The following GRB14 variants were observed in gnomAD, a reference collection of about 807,000 sequenced individuals.
GRB14 encodes growth factor receptor bound protein 14, also known as growth factor receptor-bound protein 14.
GRB14 carries 38 observed loss-of-function variants against 69.1 expected under a neutral mutation model. The ratio of observed to expected loss-of-function variants is 0.55; its 90% confidence interval spans 0.42 to 0.72. The LOEUF (loss-of-function observed/expected upper bound fraction) is 0.72. Among genes scored for constraint, GRB14 ranks in the 30% least tolerant of loss-of-function variants. GRB14 has a pLI of 0.00. For synonymous variants in GRB14, 247 were observed against 241.3 expected, an observed-to-expected ratio of 1.02 and a Z score of -0.22; for missense variants, 666 against 666.1, an observed-to-expected ratio of 1.00 and a Z score of 0.00.
At chr2:164,584,140 C>T (rs1334901741) in intron 2 of GRB14, among the ~76,000 whole-genome samples, 3 of 141,694 alleles carry the variant, frequency 2.1e-5, no homozygotes, top group Non-Finnish European at 3.0e-5. Context: ...CCACCACCAG[C>T]CTGGCTATTT....
At chr2:164,514,911 A>G (rs1409340879) in intron 6 of GRB14, among the ~76,000 whole-genome samples, 1 of 152,112 alleles carries the variant, frequency 6.6e-6, no homozygotes, top group South Asian at 2.1e-4. Context: ...GCTGCACAGG[A>G]GCTGCGTGAG....
chr2:164,536,449 AT>A (rs1342139860), intron 3 of GRB14, among the ~76,000 whole-genome samples: 2 of 152,228 alleles, frequency 1.3e-5, no homozygotes, highest in Admixed American at 6.5e-5. Context: ...AAAATAATAC[AT>A]TCCATTAAAG....
At chr2:164,497,805 GTTCTCTAGTAAA>G (rs1403055395) in intron 9 of GRB14, among the ~76,000 whole-genome samples, 2 of 152,006 alleles carry the variant, frequency 1.3e-5, no homozygotes, top group Non-Finnish European at 2.9e-5. Context: ...ATCTTTTCAC[GTTCTCTAGTAAA>G]ATGGGAAAAC....
intron 3 of GRB14, among the ~76,000 whole-genome samples, chr2:164,528,268 C>T (rs1477306715): frequency 6.6e-6 from 1 of 151,882 alleles, no homozygotes; most frequent in Non-Finnish European, 1.5e-5. Flanking sequence ...GAGTTGTGCA[C>T]ACTTGGTTTG....
At chr2:164,606,659 T>C (rs1690047610) in intron 2 of GRB14, among the ~76,000 whole-genome samples, 1 of 152,136 alleles carries the variant, frequency 6.6e-6, no homozygotes, top group South Asian at 2.1e-4. Context: ...AAACATCAAG[T>C]TCCCAGTGCC....
chr2:164,523,541 GA>G (rs1292638380), intron 5 of GRB14, among the ~76,000 whole-genome samples: 2 of 152,002 alleles, frequency 1.3e-5, no homozygotes, highest in African/African-American at 4.8e-5. Flanking sequence ...GCTGACAGTA[GA>G]TATTTATGTT....
At chr2:164,568,265 A>G in intron 2 of GRB14, 1 of 1,183,516 alleles carries the variant, frequency 8.4e-7, no homozygotes, top group South Asian at 1.3e-5. Flanking sequence ...AACAGGGGAA[A>G]AAAAGCAGCA....
chr2:164,511,040 C>T (rs956368166), intron 6 of GRB14, among the ~76,000 whole-genome samples: 5 of 152,182 alleles, frequency 3.3e-5, no homozygotes, highest in Non-Finnish European at 7.3e-5. Context: ...CAGCTGACAC[C>T]TACCCATGGA....
intron 2 of GRB14, among the ~76,000 whole-genome samples, chr2:164,552,169 A>C (rs1574300644): frequency 1.3e-5 from 2 of 152,344 alleles, no homozygotes; most frequent in South Asian, 4.1e-4. Context: ...CCTCCTGCTA[A>C]GCTCCACCTC....
At chr2:164,517,404 A>G (rs953380212) in intron 6 of GRB14, among the ~76,000 whole-genome samples, 4 of 152,120 alleles carry the variant, frequency 2.6e-5, no homozygotes, top group African/African-American at 9.7e-5. Context: ...AAAAAGAATA[A>G]AGCTCACAGC....
chr2:164,554,693 A>G (rs974202739), intron 2 of GRB14, among the ~76,000 whole-genome samples: 2 of 152,236 alleles, frequency 1.3e-5, no homozygotes, highest in Middle Eastern at 3.4e-3. Context: ...CAAATTTAAT[A>G]CGTAGTCACT....
intron 2 of GRB14, among the ~76,000 whole-genome samples, chr2:164,613,150 G>A (rs1010628240): frequency 6.6e-6 from 1 of 152,218 alleles, no homozygotes; most frequent in Non-Finnish European, 1.5e-5. Flanking sequence ...CGTACATTAA[G>A]TGAATTGAGA....
At chr2:164,560,660 T>G (rs1308910039) in intron 2 of GRB14, among the ~76,000 whole-genome samples, 1 of 152,154 alleles carries the variant, frequency 6.6e-6, no homozygotes, top group Non-Finnish European at 1.5e-5. Flanking sequence ...AACTTGGAGT[T>G]TTCGCTGGGA....
intron 2 of GRB14, among the ~76,000 whole-genome samples, chr2:164,605,821 A>G (rs1690027845): frequency 6.6e-6 from 1 of 152,192 alleles, no homozygotes; most frequent in Non-Finnish European, 1.5e-5. Flanking sequence ...CAATAAAATC[A>G]GAGAAGCTCT....
chr2:164,570,960 C>A (rs533756065), intron 2 of GRB14, among the ~76,000 whole-genome samples: 1 of 152,172 alleles, frequency 6.6e-6, no homozygotes, highest in East Asian at 1.9e-4. Flanking sequence ...TTATGAAGAG[C>A]AAAATTTGGC....
chr2:164,568,249 C>T, intron 2 of GRB14: 2 of 992,708 alleles, frequency 2.0e-6, no homozygotes, highest in East Asian at 6.0e-5. Context: ...TTAATAAACA[C>T]ACAGTAACAG....
At chr2:164,514,513 A>C (rs1490649719) in intron 6 of GRB14, among the ~76,000 whole-genome samples, 3 of 152,168 alleles carry the variant, frequency 2.0e-5, no homozygotes. Context: ...AGTGAAATAC[A>C]GGGTAGAAAA....
At chr2:164,547,274 G>C (rs1053334833) in intron 3 of GRB14, among the ~76,000 whole-genome samples, 1 of 152,112 alleles carries the variant, frequency 6.6e-6, no homozygotes, top group African/African-American at 2.4e-5. Context: ...ATTTAAAATA[G>C]CACCTTTAAG....
chr2:164,520,038 A>C (rs1189735248), intron 6 of GRB14, among the ~76,000 whole-genome samples: 2 of 152,154 alleles, frequency 1.3e-5, no homozygotes, highest in Non-Finnish European at 2.9e-5. Flanking sequence ...GGAACCAAAA[A>C]AGAGCCTGCA....
Sources: allele counts gnomAD v4.1 joint callset (sites outside exome capture counted in the v4.1 genomes callset), GRCh38; gene constraint gnomAD v4.1.1; transcripts MANE v1.5; gene names NCBI Gene and HGNC (gene_info 2026-07-23, HGNC 2026-07-21).